Variants in RALGAPA2 observed in about 807,000 individuals in gnomAD.
RALGAPA2 encodes ral GTPase-activating protein subunit alpha-2.
In RALGAPA2, 139 loss-of-function variants were observed where a neutral mutation model predicts 230.4. The observed-to-expected ratio is 0.60, with a 90% CI of 0.53 to 0.69. The LOEUF is 0.69. Among genes scored for constraint, RALGAPA2 ranks in the 30% least tolerant of loss-of-function variants. The probability of loss-of-function intolerance (pLI) is 0.00; values close to 1 mark genes in which losing one functional copy is unlikely to be tolerated. For missense variants in RALGAPA2, 2,163 were observed against 2,276.0 expected (o/e 0.95, Z 1.01); for synonymous variants, 847 against 837.8 (o/e 1.01, Z -0.19).
At chr20:20,532,060 TA>T (rs1206008017) in intron 26 of RALGAPA2, among the ~76,000 whole-genome samples, 1 of 152,186 alleles carries the variant, frequency 6.6e-6, no homozygotes, top group African/African-American at 2.4e-5. Flanking sequence ...ACAGCCCATA[TA>T]TATCACTTAG....
At chr20:20,640,444 C>T (rs531638878) in intron 6 of RALGAPA2, among the ~76,000 whole-genome samples, 3 of 152,190 alleles carry the variant, frequency 2.0e-5, no homozygotes, top group Admixed American at 2.0e-4. Context: ...GTCTCTACTT[C>T]GTGCTACTGC....
In RALGAPA2 at chr20:20,439,526, T is replaced by C. The variant is rs16981923; in HGVS notation, c.5496-27378A>G. On this transcript the variant is annotated intron_variant, in intron 37 of 39. Transcript: ENST00000202677. ...CCACACCCAGCCCCTGGTCACTTTT[T>C]ACAGTTAGGTATCACTAGAGAGACT... is the stretch of plus-strand genomic sequence containing the variant. Among the ~76,000 whole-genome samples the C allele has an allele frequency of 8.3e-3, 1,265 of 152,286 alleles. 16 individuals carry two copies. The highest frequency in any genetic ancestry group is 0.029 in the African/African-American group (1,201 of 41,556).
chr20:20,399,785 A>G (rs565764733), intron 38 of RALGAPA2, among the ~76,000 whole-genome samples: 1 of 152,360 alleles, frequency 6.6e-6, no homozygotes, highest in East Asian at 1.9e-4. Context: ...TCACTGGGAT[A>G]GCAAGAGAGC....
chr20:20,659,919 T>A, intron 3 of RALGAPA2: 1 of 390,860 alleles, frequency 2.6e-6, no homozygotes, highest in South Asian at 2.3e-5. Flanking sequence ...CCCCTAGCCA[T>A]CTCACCAGCT....
At chr20:20,602,007 C>G (rs2065668840) in intron 15 of RALGAPA2, among the ~76,000 whole-genome samples, 161 bp from the exon 16 acceptor site, 1 of 152,180 alleles carries the variant, frequency 6.6e-6, no homozygotes, top group South Asian at 2.1e-4. Context: ...TAGGAAGTTG[C>G]TCATATGTCA....
chr20:20,524,517 G>A lies in RALGAPA2; in HGVS notation c.3789C>T (p.Leu1263=), dbSNP rs150666612. 51 of 1,613,944 alleles carry A rather than the reference G, an allele frequency of 3.2e-5. No individual in the cohort carries two copies. In the African/African-American group the frequency reaches 6.1e-4, roughly 19 times the overall value. Residue 1263 remains leucine, a synonymous_variant, in exon 30 of 40, where the codon CTC becomes CTT. Coordinates refer to ENST00000202677, the MANE Select transcript of RALGAPA2 (RefSeq NM_020343.4). ...CGGGCAATGCCATGCACCAGTCCAA[G>A]AGGCAGAGTAGCAAGGACACAATAA... ...KKFIVSLLLC[L]LDWCMALPVS...
At chr20:20,418,455 T>C (rs6035624) in intron 37 of RALGAPA2, among the ~76,000 whole-genome samples, 100,714 of 152,072 alleles carry the variant, frequency 0.66, 33,507 homozygotes, top group African/African-American at 0.74. Flanking sequence ...AGAACAGACG[T>C]GCGTGCTTGC....
chr20:20,572,543 T>C (rs1050482106), intron 21 of RALGAPA2, among the ~76,000 whole-genome samples: 7 of 152,194 alleles, frequency 4.6e-5, no homozygotes, highest in Admixed American at 2.6e-4. Flanking sequence ...TGAATACTGA[T>C]GTTAATTTTC....
intron 26 of RALGAPA2, among the ~76,000 whole-genome samples, chr20:20,533,048 A>G (rs995256294): frequency 2.0e-5 from 3 of 151,904 alleles, no homozygotes; most frequent in African/African-American, 7.2e-5. Context: ...AAAAAAAAGA[A>G]GAAAGAAAGA....
chr20:20,576,490 T>C (rs1415927411), intron 20 of RALGAPA2, among the ~76,000 whole-genome samples: 1 of 152,158 alleles, frequency 6.6e-6, no homozygotes, highest in Non-Finnish European at 1.5e-5. Flanking sequence ...GCTTTTCTTT[T>C]GCATTCCTGG....
chr20:20,587,953 CAATA>C (rs1322855748), intron 18 of RALGAPA2, among the ~76,000 whole-genome samples: 2 of 151,588 alleles, frequency 1.3e-5, no homozygotes, highest in Non-Finnish European at 2.9e-5. Context: ...CTCAGTTGAC[CAATA>C]AAAATGAAAA....
At chr20:20,554,464 T>C (rs1245075255) in intron 23 of RALGAPA2, among the ~76,000 whole-genome samples, 1 of 152,226 alleles carries the variant, frequency 6.6e-6, no homozygotes, top group Non-Finnish European at 1.5e-5. Context: ...GGTTTTGATA[T>C]GAATTTCTCT....
In RALGAPA2 at chr20:20,629,468, G is replaced by A. The variant is rs2066599825; in HGVS notation, c.1128C>T (p.Ser376=). The change falls in exon 10 of 40, where the codon AGC becomes AGT. Residue 376 remains serine (S), a synonymous_variant. Transcript: ENST00000202677. ...TLSDRRLSNS[S]LCSIEEEHRM... ...GGTGCTCTTCTTCAATGCTACAGAG[G>A]CTGGAGTTGCTGAGTCTTCGGTCCG... is the stretch of plus-strand genomic sequence containing the variant. The A allele has an allele frequency of 1.9e-6, 3 of 1,613,952 alleles. No individual in the cohort carries two copies. The highest frequency in any genetic ancestry group is 2.5e-6 in the Non-Finnish European group (3 of 1,179,898).
intron 37 of RALGAPA2, chr20:20,472,288 T>C (rs988086744): frequency 2.0e-5 from 3 of 152,218 alleles, no homozygotes; most frequent in Admixed American, 2.0e-4. Context: ...TAAGTCCAAA[T>C]GCAACTTAAT....
intron 38 of RALGAPA2, among the ~76,000 whole-genome samples, chr20:20,400,296 G>T (rs1165866447): frequency 2.0e-5 from 3 of 152,296 alleles, no homozygotes; most frequent in Admixed American, 1.3e-4. Context: ...TCTGACTCTG[G>T]GTTTGGCTTC....
At chr20:20,393,942 G>A (rs190316929) in intron 39 of RALGAPA2, among the ~76,000 whole-genome samples, 6 of 152,286 alleles carry the variant, frequency 3.9e-5, no homozygotes, top group Admixed American at 3.9e-4. Flanking sequence ...CCCTAGCACC[G>A]TTCTGCGAGC....
intron 31 of RALGAPA2, among the ~76,000 whole-genome samples, chr20:20,518,061 A>AT (rs141824423): frequency 5.9e-4 from 90 of 151,788 alleles, no homozygotes; most frequent in African/African-American, 2.1e-3. Context: ...AACATAAATA[A>AT]TTTTTTTCCC....
Position 20,673,361 on chromosome 20 carries a change from T to C in RALGAPA2, c.270+2875A>G, listed in dbSNP as rs188259221. ...GTGGCACAAACACTACTACTACTACTATTACCAACACCACCACCACTACTA... is the reference window on the plus strand; with the variant it reads ...GTGGCACAAACACTACTACTACTACCATTACCAACACCACCACCACTACTA... On this transcript the variant is annotated intron_variant, in intron 3 of 39. Coordinates refer to ENST00000202677, the MANE Select transcript of RALGAPA2 (RefSeq NM_020343.4). Among the ~76,000 whole-genome samples, 3 of 152,036 alleles carry C rather than the reference T, an allele frequency of 2.0e-5. No individual in the cohort carries two copies. The East Asian group carries it at 5.8e-4, about 29-fold the overall frequency.
At chr20:20,498,999 G>A (rs759940227) in intron 35 of RALGAPA2, among the ~76,000 whole-genome samples, 5 of 152,228 alleles carry the variant, frequency 3.3e-5, no homozygotes, top group Non-Finnish European at 5.9e-5. Context: ...GTTGCAACTG[G>A]ATTGCAGAAT....
Sources: allele counts gnomAD v4.1 joint callset (sites outside exome capture counted in the v4.1 genomes callset), GRCh38; gene constraint gnomAD v4.1.1; transcripts MANE v1.5; gene names NCBI Gene and HGNC (gene_info 2026-07-23, HGNC 2026-07-21).